The following PRDM11 variants were observed in gnomAD, a reference collection of about 807,000 sequenced individuals.
PRDM11 encodes the protein PR domain-containing protein 11.
PRDM11 carries 20 observed loss-of-function variants against 97.8 expected under a neutral mutation model. That is an observed-to-expected ratio of 0.20 (90% CI 0.14 to 0.30). The LOEUF (loss-of-function observed/expected upper bound fraction) is 0.30, where lower values mean the gene tolerates loss of function less well. Ranked by LOEUF, PRDM11 falls within the 10% of genes least tolerant of loss-of-function variation. The pLI, the probability that PRDM11 is intolerant of heterozygous loss-of-function variation, is 1.00. For missense variants in PRDM11, 1,139 were observed against 1,555.2 expected (o/e 0.73, Z 4.50); for synonymous variants, 599 against 637.7 (o/e 0.94, Z 0.91).
upstream of PRDM11, chr11:45,095,764 C>A: frequency 1.4e-6 from 1 of 709,432 alleles, no homozygotes; most frequent in Non-Finnish European, 2.6e-6. Flanking sequence ...GATACGATGG[C>A]TACAGCTGGG....
At chr11:45,163,544 C>T (rs774205268) in intron 1 of PRDM11, among the ~76,000 whole-genome samples, 2 of 152,050 alleles carry the variant, frequency 1.3e-5, no homozygotes, top group Non-Finnish European at 1.5e-5. Context: ...TGCTCCTGAT[C>T]GTAGGGAATT....
rs533286385 is a variant in PRDM11 at position 45,133,614 on chromosome 11, G to C, written c.96+37713G>C. Among the ~76,000 whole-genome samples the C allele has an allele frequency of 3.9e-5, 6 of 152,236 alleles. No homozygotes were observed. The East Asian group carries it at 9.6e-4, about 24-fold the overall frequency. The stretch of plus-strand genomic sequence containing the variant: ...CAAACCAGTGTTCGCTGAGTTTCGG[G>C]CACTGGCCAGTGGAGCTCAGCACAG... On this transcript the variant is annotated intron_variant, in intron 1 of 6. Transcript: ENST00000530656.
At chr11:45,212,676 C>G in intron 5 of PRDM11, 1 of 456,422 alleles carries the variant, frequency 2.2e-6, no homozygotes, top group Non-Finnish European at 4.4e-6. Context: ...ACCCCTCGGC[C>G]GCACCCCAGC....
At chr11:45,141,206 G>C (rs1447601922) in intron 1 of PRDM11, among the ~76,000 whole-genome samples, 5 of 152,156 alleles carry the variant, frequency 3.3e-5, no homozygotes, top group African/African-American at 4.8e-5. Context: ...TAAAGTCTTG[G>C]TTTTAATGTT....
chr11:45,208,445 C>A (rs532248259), intron 5 of PRDM11, among the ~76,000 whole-genome samples: 1 of 152,302 alleles, frequency 6.6e-6, no homozygotes, highest in African/African-American at 2.4e-5. Flanking sequence ...ATGGGCTAAT[C>A]CTAATTTCAA....
intron 1 of PRDM11, among the ~76,000 whole-genome samples, chr11:45,124,145 T>C (rs1852510314): frequency 6.7e-6 from 1 of 149,884 alleles, no homozygotes; most frequent in Admixed American, 6.6e-5. Flanking sequence ...GGCTCTCTGT[T>C]TGTCTGTTAT....
intron 4 of PRDM11, among the ~76,000 whole-genome samples, chr11:45,199,127 T>A (rs1284416977): frequency 6.6e-6 from 1 of 152,240 alleles, no homozygotes; most frequent in Non-Finnish European, 1.5e-5. Flanking sequence ...TGGACCATGC[T>A]TCGCTCAGGG....
intron 5 of PRDM11, among the ~76,000 whole-genome samples, chr11:45,206,527 C>T (rs969362436): frequency 6.6e-6 from 1 of 152,216 alleles, no homozygotes; most frequent in African/African-American, 2.4e-5. Flanking sequence ...TGTGCTATTG[C>T]TTTTAAGGCG....
intron 1 of PRDM11, among the ~76,000 whole-genome samples, chr11:45,111,633 A>G (rs1267980944): frequency 6.6e-6 from 1 of 152,192 alleles, no homozygotes; most frequent in Non-Finnish European, 1.5e-5. Context: ...AGGGCCCCAA[A>G]TCAGAGAGTG....
rs575914104 is a variant in PRDM11, at chr11:45,119,535, CAGG to C, written c.96+23637_96+23639del. Among the ~76,000 whole-genome samples, 327 of 139,898 alleles carry C rather than the reference CAGG, an allele frequency of 2.3e-3. 1 individual carries two copies. The highest frequency in any genetic ancestry group is 8.4e-3 in the African/African-American group (313 of 37,276). The allele number at this position is 139,898 out of a possible 152,430, so 91.8% of individuals were successfully genotyped here. On this transcript the variant is annotated intron_variant, in intron 1 of 6. Coordinates refer to the PRDM11 transcript ENST00000530656. ...GTCCCAGCTACGCGGGAGGCTGAGG[CAGG>C]AGAATTGCGTGAACCCCAGTGGGTG... is the stretch of plus-strand genomic sequence containing the variant.
chr11:45,110,088 C>T (rs1447512688), intron 1 of PRDM11, among the ~76,000 whole-genome samples: 1 of 152,210 alleles, frequency 6.6e-6, no homozygotes, highest in African/African-American at 2.4e-5. Context: ...CAAACCTCTC[C>T]TTTATTTCTG....
chr11:45,146,336 A>G (rs1325816686), upstream of PRDM11, among the ~76,000 whole-genome samples: 1 of 152,250 alleles, frequency 6.6e-6, no homozygotes, highest in Non-Finnish European at 1.5e-5. Context: ...CAATGACTTT[A>G]TTAAAATTTG....
At chr11:45,201,885 A>G (rs1853341572) in intron 4 of PRDM11, among the ~76,000 whole-genome samples, 1 of 152,092 alleles carries the variant, frequency 6.6e-6, no homozygotes, top group African/African-American at 2.4e-5. Flanking sequence ...AGTCAGGAGA[A>G]TGGCGTGAAC....
At chr11:45,097,974 C>T (rs1851912299) in intron 1 of PRDM11, among the ~76,000 whole-genome samples, 1 of 152,258 alleles carries the variant, frequency 6.6e-6, no homozygotes, top group African/African-American at 2.4e-5. Flanking sequence ...AATGTGCTGG[C>T]TGGGATTGGA....
chr11:45,150,929 A>G (rs956092143), intron 1 of PRDM11, among the ~76,000 whole-genome samples: 9 of 152,230 alleles, frequency 5.9e-5, no homozygotes, highest in African/African-American at 1.7e-4. Context: ...TTGAGAGACT[A>G]TGGCTACAAA....
intron 4 of PRDM11, among the ~76,000 whole-genome samples, chr11:45,187,960 G>A (rs1470679747): frequency 6.6e-6 from 1 of 151,984 alleles, no homozygotes; most frequent in Non-Finnish European, 1.5e-5. Flanking sequence ...GGTGAACAGT[G>A]GTGCTGATTT....
intron 1 of PRDM11, among the ~76,000 whole-genome samples, chr11:45,096,114 G>A (rs1851884667): frequency 1.3e-5 from 2 of 152,154 alleles, no homozygotes; most frequent in African/African-American, 4.8e-5. Context: ...CACGCTGATA[G>A]CTCCATTTTC....
upstream of PRDM11, among the ~76,000 whole-genome samples, chr11:45,094,171 G>A (rs1851850842): frequency 6.6e-6 from 1 of 152,242 alleles, no homozygotes; most frequent in African/African-American, 2.4e-5. Context: ...CAAGTAGCTA[G>A]CATGCAGTTG....
intron 1 of PRDM11, chr11:45,147,252 C>G (rs1411603842): frequency 6.6e-6 from 1 of 151,698 alleles, no homozygotes; most frequent in East Asian, 1.9e-4. Context: ...GAGTGGCGGC[C>G]CGGGCCGAGC....
Sources: allele counts gnomAD v4.1 joint callset (sites outside exome capture counted in the v4.1 genomes callset), GRCh38; gene constraint gnomAD v4.1.1; transcripts MANE v1.5; gene names NCBI Gene and HGNC (gene_info 2026-07-23, HGNC 2026-07-21).